ACTR3C: variants seen among roughly 807,000 people sequenced by gnomAD.
ACTR3C encodes actin-related protein 3C.
A neutral mutation model predicts 26.3 loss-of-function variants in ACTR3C; 18 were observed. The ratio of observed to expected loss-of-function variants is 0.68; its 90% CI spans 0.47 to 1.01. The LOEUF (loss-of-function observed/expected upper bound fraction) is 1.01. Ranked by LOEUF, ACTR3C falls within the 50% of genes least tolerant of loss-of-function variation. The probability of loss-of-function intolerance (pLI) is 0.00; values close to 1 mark genes in which losing one functional copy is unlikely to be tolerated. For missense variants in ACTR3C, 184 were observed against 250.7 expected (o/e 0.73, Z 1.80); for synonymous variants, 55 against 94.5 (o/e 0.58, Z 2.42).
chr7:150,198,752 TG>T, the ACTR3C span, among the ~76,000 whole-genome samples: 16,512 of 95,352 alleles, frequency 0.17, 1,600 homozygotes, highest in African/African-American at 0.36. Flanking sequence ...GGGAGGGAGG[TG>T]GGGGGGGGTC....
the ACTR3C span, among the ~76,000 whole-genome samples, chr7:150,033,864 A>G: frequency 0.057 from 5,201 of 91,032 alleles, no homozygotes; most frequent in African/African-American, 0.076. Context: ...AGCGATGGGG[A>G]TCCTAAGAGC....
the ACTR3C span, among the ~76,000 whole-genome samples, chr7:149,948,481 G>C: frequency 6.6e-6 from 1 of 150,608 alleles, no homozygotes; most frequent in African/African-American, 2.5e-5. Flanking sequence ...GAGCCTGCGC[G>C]GAACACCTCC....
the ACTR3C span, among the ~76,000 whole-genome samples, chr7:150,018,748 C>A: frequency 2.0e-5 from 3 of 150,312 alleles, no homozygotes; most frequent in African/African-American, 5.0e-5. Context: ...ACAAGCCTAA[C>A]CAACCCACAA....
At chr7:149,967,531 GC>G in the ACTR3C span, among the ~76,000 whole-genome samples, 1 of 152,116 alleles carries the variant, frequency 6.6e-6, no homozygotes, top group Non-Finnish European at 1.5e-5. Context: ...GTGAGGTTGG[GC>G]CCCCTGTTGC....
chr7:150,117,275 AG>A, the ACTR3C span, among the ~76,000 whole-genome samples: 1 of 152,214 alleles, frequency 6.6e-6, no homozygotes, highest in Non-Finnish European at 1.5e-5. Context: ...CAGGGAGCCA[AG>A]TGGTCTTGCT....
At chr7:150,061,210 GA>G in the ACTR3C span, among the ~76,000 whole-genome samples, 3 of 69,318 alleles carry the variant, frequency 4.3e-5, no homozygotes, top group Non-Finnish European at 8.6e-5. Flanking sequence ...CCAGAAAAAA[GA>G]AAGAGGCTAT....
chr7:150,157,634 C>G, the ACTR3C span, among the ~76,000 whole-genome samples: 1 of 152,234 alleles, frequency 6.6e-6, no homozygotes, highest in South Asian at 2.1e-4. Context: ...TTCCTGAGTT[C>G]CACCAACACT....
the ACTR3C span, among the ~76,000 whole-genome samples, chr7:150,157,946 GC>G: frequency 6.6e-5 from 10 of 152,342 alleles, no homozygotes; most frequent in African/African-American, 2.4e-4. Context: ...GCACTAGAAA[GC>G]AGAGAATTAA....
chr7:149,903,383 T>C, the ACTR3C span, among the ~76,000 whole-genome samples: 6 of 152,126 alleles, frequency 3.9e-5, no homozygotes, highest in Non-Finnish European at 7.4e-5. Flanking sequence ...TCAATAAAGG[T>C]TGCCGGATTA....
chr7:150,227,210 T>G, the ACTR3C span, among the ~76,000 whole-genome samples: 1 of 151,766 alleles, frequency 6.6e-6, no homozygotes, highest in Non-Finnish European at 1.5e-5. Flanking sequence ...GTGGCCATCA[T>G]GCAGTGCAAT....
the ACTR3C span, among the ~76,000 whole-genome samples, chr7:150,194,971 G>A: frequency 1.3e-5 from 2 of 151,952 alleles, no homozygotes; most frequent in African/African-American, 2.4e-5. Context: ...ATGCGTGCCT[G>A]TAATCCCAGC....
the ACTR3C span, among the ~76,000 whole-genome samples, chr7:150,177,409 T>G: frequency 2.0e-5 from 3 of 150,786 alleles, no homozygotes; most frequent in Non-Finnish European, 2.9e-5. Flanking sequence ...TGTAGAGAAA[T>G]GAATGTACAC....
At chr7:150,256,289 A>G (rs1833216784) in intron 6 of ACTR3C, among the ~76,000 whole-genome samples, 1 of 152,270 alleles carries the variant, frequency 6.6e-6, no homozygotes, top group African/African-American at 2.4e-5. Flanking sequence ...GTATACACCC[A>G]GTAATGGGAC....
chr7:150,007,378 T>C, the ACTR3C span, among the ~76,000 whole-genome samples: 1 of 152,188 alleles, frequency 6.6e-6, no homozygotes, highest in Non-Finnish European at 1.5e-5. Flanking sequence ...ATAAAACATA[T>C]GGTCTTGAAC....
chr7:150,158,873 C>T, the ACTR3C span, among the ~76,000 whole-genome samples: 1 of 150,706 alleles, frequency 6.6e-6, no homozygotes, highest in Non-Finnish European at 1.5e-5. Flanking sequence ...CCCACACACA[C>T]ACGTGCACAC....
chr7:149,902,009 G>A, the ACTR3C span, among the ~76,000 whole-genome samples: 1 of 150,090 alleles, frequency 6.7e-6, no homozygotes, highest in Non-Finnish European at 1.5e-5. Context: ...ATTATAGGAT[G>A]TGGGTAACCA....
chr7:150,009,400 A>G, the ACTR3C span, among the ~76,000 whole-genome samples: 2 of 152,198 alleles, frequency 1.3e-5, no homozygotes, highest in Non-Finnish European at 2.9e-5. Flanking sequence ...AATTTCCAAC[A>G]CTGCGCGAAG....
the ACTR3C span, among the ~76,000 whole-genome samples, chr7:150,039,803 G>A: frequency 2.3e-5 from 3 of 128,960 alleles, no homozygotes; most frequent in Admixed American, 1.5e-4. Context: ...CTGGCTCTCA[G>A]TCCCTGCCTC....
the ACTR3C span, among the ~76,000 whole-genome samples, chr7:150,014,621 C>T: frequency 2.7e-5 from 4 of 150,194 alleles, no homozygotes; most frequent in Non-Finnish European, 6.0e-5. Flanking sequence ...ATTCTATCAG[C>T]CTTGAAATGC....
Sources: gnomAD v4.1 joint callset for allele counts (sites outside exome capture counted in the v4.1 genomes callset) on GRCh38, gnomAD v4.1.1 for gene constraint, MANE v1.5 for transcripts, NCBI Gene and HGNC (gene_info 2026-07-23, HGNC 2026-07-21) for gene names.